SHANK2: variants seen among roughly 807,000 people sequenced by gnomAD.
SHANK2 encodes the protein SH3 and multiple ankyrin repeat domains 2, also known as SH3 and multiple ankyrin repeat domains protein 2.
In SHANK2, 43 loss-of-function variants were observed where a neutral mutation model predicts 133.7. That is an observed-to-expected ratio of 0.32 (90% CI 0.25 to 0.41). The LOEUF (loss-of-function observed/expected upper bound fraction) is 0.41, where lower values mean the gene tolerates loss of function less well. Ranked by LOEUF, SHANK2 falls within the 10% of genes least tolerant of loss-of-function variation. The pLI is 1.00. For missense variants in SHANK2, 1,994 were observed against 2,235.8 expected, an observed-to-expected ratio of 0.89 and a Z score of 2.18; for synonymous variants, 1,017 against 952.8, an observed-to-expected ratio of 1.07 and a Z score of -1.24.
intron 14 of SHANK2, among the ~76,000 whole-genome samples, chr11:70,737,936 G>A (rs1354190481): frequency 2.0e-5 from 3 of 152,262 alleles, no homozygotes; most frequent in Non-Finnish European, 2.9e-5. Context: ...GTGTGAAGGT[G>A]CCCTACGGTG....
intron 1 of SHANK2, among the ~76,000 whole-genome samples, chr11:71,251,808 C>G (rs1948187147): frequency 6.6e-6 from 1 of 151,324 alleles, no homozygotes; most frequent in Non-Finnish European, 1.5e-5. Context: ...GCCCCGGCCT[C>G]TCCGCGACAG....
chr11:71,218,354 T>G (rs1395661510), intron 2 of SHANK2, among the ~76,000 whole-genome samples: 1 of 141,616 alleles, frequency 7.1e-6, no homozygotes, highest in Non-Finnish European at 1.5e-5. Context: ...AACCTGCGCC[T>G]CCCAGGTTCA....
chr11:71,084,539 A>G (rs1555092376), intron 8 of SHANK2, among the ~76,000 whole-genome samples: 1 of 152,226 alleles, frequency 6.6e-6, no homozygotes, highest in South Asian at 2.1e-4. Flanking sequence ...ACCCTGGGAC[A>G]GGGCTGTCCA....
intron 17 of SHANK2, among the ~76,000 whole-genome samples, chr11:70,525,887 C>T (rs2059389591): frequency 6.6e-6 from 1 of 151,998 alleles, no homozygotes. Flanking sequence ...ACTCCTGTCT[C>T]CTCTGCTGGA....
intron 14 of SHANK2, among the ~76,000 whole-genome samples, chr11:70,734,445 C>T (rs61886448): frequency 0.09 from 13,701 of 152,284 alleles, 809 homozygotes; most frequent in South Asian, 0.29. Context: ...ACGCTCCACA[C>T]TGACAGCTCA....
intron 11 of SHANK2, among the ~76,000 whole-genome samples, chr11:70,839,413 T>C (rs1217838112): frequency 5.3e-5 from 8 of 152,168 alleles, no homozygotes; most frequent in African/African-American, 1.9e-4. Flanking sequence ...TCCCCAGGTC[T>C]GGAGGCAACA....
At chr11:71,197,097 A>G (rs1234279303) in intron 2 of SHANK2, among the ~76,000 whole-genome samples, 1 of 151,858 alleles carries the variant, frequency 6.6e-6, no homozygotes, top group East Asian at 1.9e-4. Context: ...GAGACCTCAC[A>G]TGGAACAAAA....
chr11:71,142,913 C>G (rs1952583686), intron 3 of SHANK2, among the ~76,000 whole-genome samples: 1 of 152,050 alleles, frequency 6.6e-6, no homozygotes, highest in South Asian at 2.1e-4. Flanking sequence ...CAAACAACAT[C>G]CCCACAGACG....
At chr11:70,601,069 T>TATATCTATATC (rs1565167910) in intron 17 of SHANK2, among the ~76,000 whole-genome samples, 4,592 of 134,834 alleles carry the variant, frequency 0.034, 103 homozygotes, top group East Asian at 0.048. Context: ...ATATCTATAT[T>TATATCTATATC]TGAGATGGAG....
intron 17 of SHANK2, among the ~76,000 whole-genome samples, chr11:70,630,529 G>A (rs557841537): frequency 2.0e-5 from 3 of 152,352 alleles, no homozygotes; most frequent in African/African-American, 4.8e-5. Context: ...TTCTTTGGAA[G>A]TAAGGTTGCT....
chr11:70,728,906 C>T (rs1459437523), intron 14 of SHANK2, among the ~76,000 whole-genome samples: 1 of 152,070 alleles, frequency 6.6e-6, no homozygotes, highest in Non-Finnish European at 1.5e-5. Flanking sequence ...GGTGTTGGCA[C>T]CTGAGAAGGA....
At chr11:70,772,628 C>T (rs1237030916) in intron 14 of SHANK2, among the ~76,000 whole-genome samples, 8 of 152,042 alleles carry the variant, frequency 5.3e-5, no homozygotes, top group African/African-American at 1.9e-4. Flanking sequence ...GAAGGGGTCC[C>T]CTCTCTGCAC....
intron 17 of SHANK2, among the ~76,000 whole-genome samples, chr11:70,614,341 C>T (rs1305421685): frequency 6.7e-6 from 1 of 149,006 alleles, no homozygotes; most frequent in Non-Finnish European, 1.5e-5. Context: ...GACAGAGTCT[C>T]CCTTTGTTAT....
At chr11:70,907,840 G>A (rs782320037) in intron 10 of SHANK2, 10 of 452,208 alleles carry the variant, frequency 2.2e-5, no homozygotes, top group South Asian at 1.4e-4. Flanking sequence ...GAAGGCTCAT[G>A]CCTGTAATCC....
intron 3 of SHANK2, among the ~76,000 whole-genome samples, chr11:71,133,534 C>A (rs113649080): frequency 0.024 from 3,497 of 147,798 alleles, 56 homozygotes; most frequent in African/African-American, 0.042. Context: ...GGCTGGCTGG[C>A]TGGATGGATA....
intron 11 of SHANK2, among the ~76,000 whole-genome samples, chr11:70,872,763 T>C (rs989608900): frequency 6.6e-6 from 1 of 152,114 alleles, no homozygotes; most frequent in African/African-American, 2.4e-5. Context: ...TGAAAACTGA[T>C]GGGTGGCAAT....
At chr11:70,608,210 C>T (rs1554993092) in intron 17 of SHANK2, among the ~76,000 whole-genome samples, 2 of 152,168 alleles carry the variant, frequency 1.3e-5, no homozygotes, top group African/African-American at 4.8e-5. Flanking sequence ...TGAGCTCAAG[C>T]GATCTCCCTG....
chr11:70,623,315 C>T lies in SHANK2; in HGVS notation c.2061+36513G>A, dbSNP rs531629484. Among the ~76,000 whole-genome samples, 603 of 91,812 alleles carry T rather than the reference C, an allele frequency of 6.6e-3. 5 individuals are homozygous for T. Among genetic ancestry groups the T allele is most frequent in the Middle Eastern group, 0.054 (8 of 148 alleles). The allele number at this position is 91,812 out of a possible 152,430, so 60.2% of individuals were successfully genotyped here. ...TGCCTCTGGGGCTCTAAGCCCACCT[C>T]CTCCGAGGTTGCCGACCTTCCCTGC... On this transcript the variant is annotated intron_variant, in intron 17 of 25. Transcript: ENST00000601538.
intron 10 of SHANK2, among the ~76,000 whole-genome samples, chr11:70,931,830 T>A (rs1950508241): frequency 6.6e-6 from 1 of 152,234 alleles, no homozygotes; most frequent in South Asian, 2.1e-4. Context: ...GCAGATACCC[T>A]CTCAACGACG....
Sources: allele counts gnomAD v4.1 joint callset (sites outside exome capture counted in the v4.1 genomes callset), GRCh38; gene constraint gnomAD v4.1.1; transcripts MANE v1.5; gene names NCBI Gene and HGNC (gene_info 2026-07-23, HGNC 2026-07-21).